Variants in GNAI3 observed in about 807,000 individuals in gnomAD.
The protein encoded by GNAI3 is G protein subunit alpha i3.
GNAI3 carries 12 observed loss-of-function variants against 41.8 expected under a neutral mutation model. The ratio of observed to expected loss-of-function variants is 0.29; its 90% CI spans 0.18 to 0.47. The LOEUF is 0.47. Ranked by LOEUF, GNAI3 falls within the 20% of genes least tolerant of loss-of-function variation. The probability of loss-of-function intolerance (pLI) is 1.00; values close to 1 mark genes in which losing one functional copy is unlikely to be tolerated. For missense variants in GNAI3, 360 were observed against 429.6 expected (o/e 0.84, Z 1.43); for synonymous variants, 132 against 146.5 (o/e 0.90, Z 0.71).
At chr1:109,560,651 T>G (rs1255222791) in intron 1 of GNAI3, among the ~76,000 whole-genome samples, 1 of 152,202 alleles carries the variant, frequency 6.6e-6, no homozygotes, top group Non-Finnish European at 1.5e-5. Flanking sequence ...TCAGTGCTCT[T>G]GTGATCCTCC....
intron 1 of GNAI3, among the ~76,000 whole-genome samples, chr1:109,562,762 T>C (rs1393502836): frequency 2.3e-4 from 35 of 152,260 alleles, no homozygotes. Flanking sequence ...CTGCTATCGA[T>C]GTTAGAGGGC....
chr1:109,548,966 G>A (rs1322179626), intron 1 of GNAI3, 128 bp downstream of exon 1: 1 of 650,466 alleles, frequency 1.5e-6, no homozygotes, highest in Non-Finnish European at 2.7e-6. Flanking sequence ...CGGGCGTGGG[G>A]CGGGGTGTTG....
At chr1:109,551,531 G>A (rs1647982569) in intron 1 of GNAI3, among the ~76,000 whole-genome samples, 1 of 152,178 alleles carries the variant, frequency 6.6e-6, no homozygotes, top group Non-Finnish European at 1.5e-5. Context: ...AAGTCAGACT[G>A]CTTTAAATCC....
intron 1 of GNAI3, among the ~76,000 whole-genome samples, chr1:109,572,530 G>C (rs1322377697): frequency 2.0e-5 from 3 of 152,136 alleles, no homozygotes; most frequent in African/African-American, 7.2e-5. Flanking sequence ...AGTTTTATTA[G>C]AGTGGTGGGG....
chr1:109,579,762 G>A (rs984108602), intron 4 of GNAI3, among the ~76,000 whole-genome samples: 5 of 152,172 alleles, frequency 3.3e-5, no homozygotes, highest in African/African-American at 1.2e-4. Context: ...CCAGCTCTCT[G>A]TGTCTGGGCC....
chr1:109,556,081 G>A (rs1405933504), intron 1 of GNAI3, among the ~76,000 whole-genome samples: 1 of 150,446 alleles, frequency 6.6e-6, no homozygotes, highest in Non-Finnish European at 1.5e-5. Flanking sequence ...CTGTCGCCCA[G>A]GCTGGAGTGC....
intron 7 of GNAI3, among the ~76,000 whole-genome samples, chr1:109,587,485 A>G (rs1349320307): frequency 6.6e-6 from 1 of 152,208 alleles, no homozygotes; most frequent in East Asian, 1.9e-4. Flanking sequence ...AGCTACTAAG[A>G]GGATGAAATA....
chr1:109,575,437 GTTAT>G (rs1482495685), intron 3 of GNAI3, among the ~76,000 whole-genome samples: 2 of 144,586 alleles, frequency 1.4e-5, no homozygotes, highest in East Asian at 4.2e-4. Context: ...CTCTGTCTCA[GTTAT>G]TTATTCTTTT....
In GNAI3 at chr1:109,574,672, G is replaced by A. The variant is rs572198231; in HGVS notation, c.303+635G>A. On this transcript the variant is annotated intron_variant, in intron 3 of 8. Transcript: ENST00000369851. ...AAATTAGAGCATGTGTAATTAGGAT[G>A]TTTTATGCCATTGGGGAGGGTGCCA... is the stretch of plus-strand genomic sequence containing the variant. Among the ~76,000 whole-genome samples, 6 of 152,294 alleles carry A rather than the reference G, an allele frequency of 3.9e-5. No individual in the cohort carries two copies. In the South Asian group the frequency reaches 1.2e-3, roughly 32 times the overall value.
chr1:109,568,418 C>T (rs1048199090), intron 1 of GNAI3, among the ~76,000 whole-genome samples: 2 of 152,004 alleles, frequency 1.3e-5, no homozygotes, highest in African/African-American at 4.8e-5. Context: ...CCCCTGTAGT[C>T]CCAGCTACTC....
chr1:109,566,519 T>C (rs1287380208), intron 1 of GNAI3, among the ~76,000 whole-genome samples: 1 of 152,180 alleles, frequency 6.6e-6, no homozygotes, highest in Non-Finnish European at 1.5e-5. Flanking sequence ...ACTGGTTTTT[T>C]AATTAAGTAT....
intron 1 of GNAI3, among the ~76,000 whole-genome samples, chr1:109,550,784 T>A (rs1647965068): frequency 6.6e-6 from 1 of 152,194 alleles, no homozygotes; most frequent in Admixed American, 6.5e-5. Flanking sequence ...CCACCCGCCT[T>A]GGCCTCCCAA....
At chr1:109,573,098 G>A (rs1648651709) in intron 1 of GNAI3, among the ~76,000 whole-genome samples, 1 of 152,164 alleles carries the variant, frequency 6.6e-6, no homozygotes, top group Non-Finnish European at 1.5e-5. Context: ...CATCTTGGAA[G>A]ATAGGAAAAT....
chr1:109,578,521 A>G (rs1483460330), intron 3 of GNAI3, among the ~76,000 whole-genome samples: 1 of 151,172 alleles, frequency 6.6e-6, no homozygotes, highest in East Asian at 1.9e-4. Flanking sequence ...CATGGCTATG[A>G]CTCATGAAGT....
At chr1:109,567,898 T>C (rs1466329746) in intron 1 of GNAI3, among the ~76,000 whole-genome samples, 1 of 152,082 alleles carries the variant, frequency 6.6e-6, no homozygotes, top group African/African-American at 2.4e-5. Context: ...ATTCACATAG[T>C]ATACTCATGT....
chr1:109,576,964 A>G (rs550272115), intron 3 of GNAI3, among the ~76,000 whole-genome samples: 3 of 152,100 alleles, frequency 2.0e-5, no homozygotes, highest in South Asian at 4.1e-4. Flanking sequence ...AAAAGTAGTA[A>G]TAATTCCCTC....
At position 109,568,248 on chromosome 1, in the gene GNAI3, CAT is replaced by C. The variant is rs960583300; in HGVS notation, c.119-5488_119-5487del. On this transcript the variant is annotated intron_variant, in intron 1 of 8. Coordinates refer to ENST00000369851, the MANE Select transcript of GNAI3 (RefSeq NM_006496.4). ...ATCTTTTTAAAAATACAATTAAGAA[CAT>C]GTGTCTGGGTGCAGTGGCTCGCCCC... is the stretch of plus-strand genomic sequence containing the variant. Among the ~76,000 whole-genome samples, 13 of 152,168 alleles carry C rather than the reference CAT, an allele frequency of 8.5e-5. No individual in the cohort carries two copies. In the East Asian group the frequency reaches 2.1e-3, roughly 25 times the overall value.
intron 1 of GNAI3, among the ~76,000 whole-genome samples, chr1:109,563,234 T>C (rs764473681): frequency 6.6e-6 from 1 of 152,068 alleles, no homozygotes; most frequent in Non-Finnish European, 1.5e-5. Flanking sequence ...ATATAAAAAT[T>C]AGCCGGTGTG....
chr1:109,573,652 T>C, intron 1 of GNAI3, 85 bp from the exon 2 acceptor site: 1 of 1,152,914 alleles, frequency 8.7e-7, no homozygotes, highest in Non-Finnish European at 1.3e-6. Flanking sequence ...GTGGTTTTCA[T>C]CAATCTAGAG....
Sources: gnomAD v4.1 joint callset for allele counts (sites outside exome capture counted in the v4.1 genomes callset) on GRCh38, gnomAD v4.1.1 for gene constraint, MANE v1.5 for transcripts, NCBI Gene and HGNC (gene_info 2026-07-23, HGNC 2026-07-21) for gene names.